The following DSE variants were observed in gnomAD, a reference collection of about 807,000 sequenced individuals.
The protein encoded by DSE is dermatan-sulfate epimerase.
DSE carries 36 observed loss-of-function variants against 84.4 expected under a neutral mutation model. That is an observed-to-expected ratio of 0.43 (90% CI 0.33 to 0.56). The LOEUF (loss-of-function observed/expected upper bound fraction) is 0.56, where lower values mean the gene tolerates loss of function less well. Among genes scored for constraint, DSE ranks in the 20% least tolerant of loss-of-function variants. The pLI, the probability that DSE is intolerant of heterozygous loss-of-function variation, is 0.06. For missense variants in DSE, 862 were observed against 1,169.6 expected (o/e 0.74, Z 3.84); for synonymous variants, 410 against 430.1 (o/e 0.95, Z 0.58).
At chr6:116,354,409 A>G (rs1778473816) in intron 2 of DSE, among the ~76,000 whole-genome samples, 1 of 152,168 alleles carries the variant, frequency 6.6e-6, no homozygotes, top group Non-Finnish European at 1.5e-5. Flanking sequence ...TCACCCCCTC[A>G]TGCTGTCTCA....
At position 116,437,195 on chromosome 6, in the gene DSE, T is replaced by C. The variant is rs199742443; in HGVS notation, c.2727T>C (p.Ile909=). 2.5e-4 allele frequency: 411 copies of C among 1,614,136 alleles called. No homozygotes were observed. The highest frequency in any genetic ancestry group is 3.2e-4 in the Non-Finnish European group (376 of 1,179,998). Residue 909 remains isoleucine, a synonymous_variant, in exon 6 of 6, where the codon ATT becomes ATC. Transcript: ENST00000644252. ...SYTRLFLILN[I]AIFFVMLAMQ... ...CCAGGTTGTTCCTGATTCTGAACAT[T>C]GCTATTTTCTTTGTCATGTTGGCAA... is the stretch of plus-strand genomic sequence containing the variant.
At chr6:116,329,661 A>G (rs1450024347) in intron 2 of DSE, among the ~76,000 whole-genome samples, 1 of 152,234 alleles carries the variant, frequency 6.6e-6, no homozygotes, top group Non-Finnish European at 1.5e-5. Flanking sequence ...TCAATCAACT[A>G]TGAGTGATGT....
chr6:116,433,146 A>T (rs1334244434), intron 4 of DSE, 197 bp from the exon 5 acceptor site: 7 of 596,868 alleles, frequency 1.2e-5, no homozygotes, highest in Non-Finnish European at 2.1e-5. Flanking sequence ...CTTGCACACA[A>T]CATATGTGGA....
intron 2 of DSE, among the ~76,000 whole-genome samples, chr6:116,402,276 G>A (rs1240405800): frequency 6.6e-6 from 1 of 152,122 alleles, no homozygotes; most frequent in African/African-American, 2.4e-5. Flanking sequence ...TTAAACATTT[G>A]TATCATGCTG....
chr6:116,424,268 C>T (rs1389418054), intron 2 of DSE, among the ~76,000 whole-genome samples: 1 of 152,160 alleles, frequency 6.6e-6, no homozygotes, highest in Non-Finnish European at 1.5e-5. Context: ...TTGTTTTTCT[C>T]CTAGAAGTAG....
intron 1 of DSE, among the ~76,000 whole-genome samples, chr6:116,371,493 G>A (rs1469946951): frequency 1.3e-5 from 2 of 152,246 alleles, no homozygotes; most frequent in Admixed American, 6.5e-5. Context: ...GGTCCTTGGG[G>A]CCTCGGCTTC....
intron 2 of DSE, among the ~76,000 whole-genome samples, chr6:116,421,442 C>CATATATGTATATATATAT (rs1554226073): frequency 4.0e-5 from 2 of 50,140 alleles, no homozygotes; most frequent in African/African-American, 2.1e-4. Context: ...ACTATATATA[C>CATATATGTATATATATAT]ATATATATAT....
chr6:116,325,762 C>T (rs993558304), intron 2 of DSE, among the ~76,000 whole-genome samples: 2 of 152,122 alleles, frequency 1.3e-5, no homozygotes, highest in East Asian at 1.9e-4. Context: ...TGTAGCAGGA[C>T]GAGCCACAGA....
At chr6:116,255,819 A>G (rs1303352206) in intron 1 of DSE, 2 of 152,266 alleles carry the variant, frequency 1.3e-5, no homozygotes, top group Admixed American at 1.3e-4. Context: ...GCAGCAGGAA[A>G]AAACAAGTTT....
chr6:116,295,810 T>C (rs1562210795), intron 2 of DSE, among the ~76,000 whole-genome samples: 4 of 152,206 alleles, frequency 2.6e-5, no homozygotes, highest in Non-Finnish European at 5.9e-5. Context: ...CATAGAAGCC[T>C]CTTTGAAAGT....
intron 2 of DSE, chr6:116,276,651 T>G (rs1473525760): frequency 1.3e-5 from 2 of 152,190 alleles, no homozygotes; most frequent in Non-Finnish European, 2.9e-5. Context: ...ACTTTAATGA[T>G]TCCATAATTT....
intron 1 of DSE, among the ~76,000 whole-genome samples, chr6:116,379,339 A>G (rs910072654): frequency 1.5e-4 from 23 of 152,292 alleles, no homozygotes; most frequent in Non-Finnish European, 3.2e-4. Flanking sequence ...CAATTTCAAA[A>G]TACTTTTCAA....
rs1778115575 is a variant in DSE at position 116,348,379 on chromosome 6, A to G, written c.-53-50819A>G. Among the ~76,000 whole-genome samples the G allele has an allele frequency of 2.0e-5, 3 of 152,094 alleles. No individual in the cohort carries two copies. The South Asian group carries it at 6.2e-4, about 32-fold the overall frequency. ...GAGACGGAGCTTGAAGTGAGCCGAG[A>G]TCGTGCCACTGCACTCTAGCCTGGG... On this transcript the variant is annotated intron_variant, in intron 2 of 3. Coordinates refer to the DSE transcript ENST00000430252.
At chr6:116,278,975 G>A (rs1218044981) in intron 2 of DSE, 1 of 1,614,048 alleles carries the variant, frequency 6.2e-7, no homozygotes, top group Non-Finnish European at 8.5e-7. Context: ...AACTGGGGGT[G>A]GTTTCGAAAA....
intron 3 of DSE, among the ~76,000 whole-genome samples, chr6:116,427,867 C>A (rs1212093014): frequency 6.6e-6 from 1 of 152,172 alleles, no homozygotes. Context: ...CTCCCCTTGT[C>A]CCCTACTCTC....
At chr6:116,428,315 G>A (rs2115069586) in intron 3 of DSE, among the ~76,000 whole-genome samples, 1 of 152,260 alleles carries the variant, frequency 6.6e-6, no homozygotes, top group Non-Finnish European at 1.5e-5. Flanking sequence ...TCATGAAATG[G>A]TGAAAGGATC....
chr6:116,341,714 T>G (rs2114821270), intron 2 of DSE, among the ~76,000 whole-genome samples: 1 of 152,376 alleles, frequency 6.6e-6, no homozygotes, highest in South Asian at 2.1e-4. Flanking sequence ...TACATTTGGC[T>G]AGCCAGTTTT....
chr6:116,389,398 A>G (rs1780755787), intron 1 of DSE, among the ~76,000 whole-genome samples: 2 of 151,844 alleles, frequency 1.3e-5, no homozygotes, highest in South Asian at 4.2e-4. Flanking sequence ...AACACTTACT[A>G]TGAAGTGAGG....
intron 2 of DSE, among the ~76,000 whole-genome samples, chr6:116,284,088 C>T (rs936685215): frequency 1.3e-5 from 2 of 152,126 alleles, no homozygotes; most frequent in Non-Finnish European, 2.9e-5. Flanking sequence ...TTTTCTAATA[C>T]AGTTCTATGG....
Sources: gnomAD v4.1 joint callset for allele counts (sites outside exome capture counted in the v4.1 genomes callset) on GRCh38, gnomAD v4.1.1 for gene constraint, MANE v1.5 for transcripts, NCBI Gene and HGNC (gene_info 2026-07-23, HGNC 2026-07-21) for gene names.